OTOP2: variants seen among roughly 807,000 people sequenced by gnomAD.
The protein encoded by OTOP2 is otopetrin 2.
A neutral mutation model predicts 47.4 loss-of-function variants in OTOP2; 41 were observed. The ratio of observed to expected loss-of-function variants is 0.87; its 90% CI spans 0.67 to 1.12. The LOEUF (loss-of-function observed/expected upper bound fraction) is 1.12. OTOP2 is among the 50% of genes most tolerant of loss of function. The pLI is 0.00. For missense variants in OTOP2, 721 were observed against 752.2 expected, an observed-to-expected ratio of 0.96 and a Z score of 0.49; for synonymous variants, 328 against 319.6, an observed-to-expected ratio of 1.03 and a Z score of -0.28.
At chr17:74,928,655 A>G (rs1224714389) in intron 5 of OTOP2, among the ~76,000 whole-genome samples, 1 of 152,086 alleles carries the variant, frequency 6.6e-6, no homozygotes, top group Non-Finnish European at 1.5e-5. Flanking sequence ...AGGCAGAGAG[A>G]GCTTAAGTAG....
At position 74,933,279 on chromosome 17, in the gene OTOP2, T is replaced by C; in HGVS notation, c.1519-96T>C. On this transcript the variant is annotated intron_variant, in intron 6 of 6. Transcript: ENST00000331427. This position sits in a 1 kb window ranked among gnomAD's most constrained non-coding sequence, Gnocchi z 4.7. Reference sequence around the variant, plus strand: ...CTCCGTGTCCACCAAGCTAGAAGGATGGGCCGCCATCTAGCCACGGCCCAG... The same window carrying C: ...CTCCGTGTCCACCAAGCTAGAAGGACGGGCCGCCATCTAGCCACGGCCCAG... 1 of 1,428,826 alleles carries C rather than the reference T, an allele frequency of 7.0e-7. No homozygotes were observed. The highest frequency in any genetic ancestry group is 1.3e-5 in the South Asian group (1 of 75,660). 88.5% of individuals were successfully genotyped at this position (1,428,826 alleles called of 1,614,324 possible). A position where few individuals can be genotyped will look rare whatever the true frequency, so the allele number is the denominator to read the frequency against.
chr17:74,931,301 G>A, intron 6 of OTOP2, 148 bp downstream of exon 6: 2 of 1,142,116 alleles, frequency 1.8e-6, no homozygotes, highest in Non-Finnish European at 2.4e-6. Context: ...GGTTCAGAGG[G>A]GGCCAGCTGT....
At chr17:74,927,846 G>C in intron 5 of OTOP2, 48 bp downstream of exon 5, 2 of 1,594,502 alleles carry the variant, frequency 1.3e-6, no homozygotes, top group Non-Finnish European at 1.7e-6. Context: ...GCCTTGGGCC[G>C]GGTGCTTTGT....
At chr17:74,927,458 G>A in intron 4 of OTOP2, 177 bp downstream of exon 4, 1 of 1,024,740 alleles carries the variant, frequency 9.8e-7, no homozygotes, top group Non-Finnish European at 1.4e-6. Flanking sequence ...CTTTCTCCCA[G>A]GGGAGGGAGT....
chr17:74,929,796 G>A (rs1196514127), intron 5 of OTOP2, among the ~76,000 whole-genome samples: 5 of 152,216 alleles, frequency 3.3e-5, no homozygotes, highest in Admixed American at 2.6e-4. Context: ...AAATATTTGT[G>A]AAGTGAAGGA....
At chr17:74,928,839 G>T (rs1399750697) in intron 5 of OTOP2, among the ~76,000 whole-genome samples, 2 of 152,152 alleles carry the variant, frequency 1.3e-5, no homozygotes, top group African/African-American at 2.4e-5. Context: ...AGCATGGGAG[G>T]GTCCGGCAAC....
In OTOP2 at chr17:74,924,391, C is replaced by T; in HGVS notation, c.-34+58C>T. 1 of 529,640 alleles carries T rather than the reference C, an allele frequency of 1.9e-6. No homozygotes were observed. The highest frequency in any genetic ancestry group is 3.3e-6 in the Non-Finnish European group (1 of 305,538). The allele number at this position is 529,640 out of a possible 1,614,324, so 32.8% of individuals were successfully genotyped here. A position where few individuals can be genotyped will look rare whatever the true frequency, so the allele number is the denominator to read the frequency against. On this transcript the variant is annotated intron_variant, in intron 1 of 6. Coordinates refer to ENST00000331427, the MANE Select transcript of OTOP2 (RefSeq NM_178160.3). The surrounding 1 kb of genome is among the most constrained non-coding windows in gnomAD (Gnocchi z 7.7). ...TGGGGAGTGGGGACCTTGGAGGGGTCCAACCGGGTGCTGCCGCTTCTCCTT... is the reference window on the plus strand; with the variant it reads ...TGGGGAGTGGGGACCTTGGAGGGGTTCAACCGGGTGCTGCCGCTTCTCCTT...
chr17:74,925,093 G>T, intron 2 of OTOP2, 148 bp downstream of exon 2: 1 of 1,052,016 alleles, frequency 9.5e-7, no homozygotes, highest in Non-Finnish European at 1.3e-6. Context: ...GAAGTGGGCT[G>T]CAGTTAGGGA....
chr17:74,924,382 T>A lies in OTOP2; in HGVS notation c.-34+49T>A. On this transcript the variant is annotated intron_variant, in intron 1 of 6. Coordinates refer to ENST00000331427, the MANE Select transcript of OTOP2 (RefSeq NM_178160.3). The surrounding 1 kb of genome is among the most constrained non-coding windows in gnomAD (Gnocchi z 7.7). ...AGTCGGACTTGGGGAGTGGGGACCT[T>A]GGAGGGGTCCAACCGGGTGCTGCCG... 7 of 495,754 alleles carry A rather than the reference T, an allele frequency of 1.4e-5. 1 individual carries two copies. In the South Asian group the frequency reaches 2.3e-4, roughly 16 times the overall value. 30.7% of individuals were successfully genotyped at this position (495,754 alleles called of 1,614,324 possible).
Position 74,930,739 on chromosome 17 carries a change from C to A in OTOP2, c.1104C>A (p.Asp368Glu), listed in dbSNP as rs768778471. ...DHHKNPTRTLDVALLMGAALG... is the reference protein window; with the variant it reads ...DHHKNPTRTLEVALLMGAALG... ...ATAAGAACCCCACGCGCACTCTGGA[C>A]GTGGCCCTGCTGATGGGTGCCGCCC... Residue 368 changes from aspartate to glutamate, a missense_variant, in exon 6 of 7, where the codon GAC (aspartate) becomes GAA (glutamate). Asp to Glu is a conservative substitution (Grantham distance 45). Transcript: ENST00000331427. This position sits in a 1 kb window ranked among gnomAD's most constrained non-coding sequence, Gnocchi z 4.0. 5.2e-5 allele frequency: 84 copies of A among 1,614,120 alleles called. No homozygotes were observed. In the Middle Eastern group the frequency reaches 2.1e-3, roughly 41 times the overall value.
At chr17:74,932,919 C>G (rs926469301) in intron 6 of OTOP2, among the ~76,000 whole-genome samples, 2 of 152,146 alleles carry the variant, frequency 1.3e-5, no homozygotes, top group East Asian at 3.9e-4. Flanking sequence ...GAGGGCAGAG[C>G]TCAAGGAGGG....
chr17:74,933,255 TC>T lies in OTOP2; in HGVS notation c.1519-118del. 1 of 1,247,344 alleles carries T rather than the reference TC, an allele frequency of 8.0e-7. No individual in the cohort carries two copies. Among genetic ancestry groups the T allele is most frequent in the African/African-American group, 1.5e-5 (1 of 67,158 alleles). 77.3% of individuals were successfully genotyped at this position (1,247,344 alleles called of 1,614,324 possible). On this transcript the variant is annotated intron_variant, in intron 6 of 6. Coordinates refer to ENST00000331427, the MANE Select transcript of OTOP2 (RefSeq NM_178160.3). This position sits in a 1 kb window ranked among gnomAD's most constrained non-coding sequence, Gnocchi z 4.7. Reference sequence around the variant, plus strand: ...CTGCCCATTCACTGACACCCAGCCCTCCGTGTCCACCAAGCTAGAAGGATGG... The same window carrying T: ...CTGCCCATTCACTGACACCCAGCCCTCGTGTCCACCAAGCTAGAAGGATGG...
At position 74,933,811 on chromosome 17, in the gene OTOP2, G is replaced by C; in HGVS notation, c.*266G>C. ...TGGCAGCATTTCTAGGACCCAACAA[G>C]ATCTGGAGGTGCCGGCTCTGGTTCC... On this transcript the variant is annotated 3_prime_UTR_variant, in exon 7 of 7. Transcript: ENST00000331427. The surrounding 1 kb of genome is among the most constrained non-coding windows in gnomAD (Gnocchi z 4.7). 2.6e-6 allele frequency: 1 copy of C among 379,312 alleles called. No individual in the cohort carries two copies. The highest frequency in any genetic ancestry group is 4.8e-6 in the Non-Finnish European group (1 of 209,024). The allele number at this position is 379,312 out of a possible 1,614,324, so 23.5% of individuals were successfully genotyped here. A position where few individuals can be genotyped will look rare whatever the true frequency, so the allele number is the denominator to read the frequency against.
chr17:74,931,556 T>G (rs1216276785), intron 6 of OTOP2, among the ~76,000 whole-genome samples: 3 of 152,150 alleles, frequency 2.0e-5, no homozygotes, highest in Non-Finnish European at 2.9e-5. Context: ...TGTCAGGAAG[T>G]AGCGGAGACC....
In OTOP2 at chr17:74,930,059, T is replaced by C; in HGVS notation, c.644-220T>C. On this transcript the variant is annotated intron_variant, in intron 5 of 6. Coordinates refer to ENST00000331427, the MANE Select transcript of OTOP2 (RefSeq NM_178160.3). The surrounding 1 kb of genome is among the most constrained non-coding windows in gnomAD (Gnocchi z 4.0). Reference sequence around the variant, plus strand: ...TTAGCCAGGTGTGATGACAGGTGCCTGTAATCCCAGCTACTTGGGAGGCTG... The same window carrying C: ...TTAGCCAGGTGTGATGACAGGTGCCCGTAATCCCAGCTACTTGGGAGGCTG... 6.6e-6 allele frequency among the ~76,000 whole-genome samples: 1 copy of C among 152,146 alleles called. No individual in the cohort carries two copies. The highest frequency in any genetic ancestry group is 1.9e-4 in the East Asian group (1 of 5,160).
rs1182065165 is a variant in OTOP2 at position 74,930,951 on chromosome 17, C to T, written c.1316C>T (p.Pro439Leu). 6.2e-7 allele frequency: 1 copy of T among 1,614,084 alleles called. No homozygotes were observed. Among genetic ancestry groups the T allele is most frequent in the Non-Finnish European group, 8.5e-7 (1 of 1,180,014 alleles). ...GGGGCTGAGCCTCACAGTACCCACC[C>T]CAAGGAGCCCTGCCAAGACCTCACC... ...PPGAEPHSTH[P>L]KEPCQDLTFT... Residue 439 changes from proline (P) to leucine (L), a missense_variant, in exon 6 of 7, where the codon CCC becomes CTC. Pro to Leu is a moderately conservative substitution (Grantham distance 98). Coordinates refer to ENST00000331427, the MANE Select transcript of OTOP2 (RefSeq NM_178160.3). The surrounding 1 kb of genome is among the most constrained non-coding windows in gnomAD (Gnocchi z 4.0).
chr17:74,926,501 G>C (rs988085520), intron 3 of OTOP2, among the ~76,000 whole-genome samples: 1 of 151,844 alleles, frequency 6.6e-6, no homozygotes, highest in Non-Finnish European at 1.5e-5. Flanking sequence ...ATGAAGGTGA[G>C]AAGTCCACAG....
chr17:74,930,605 GCCCTGGTCATCTA>G lies in OTOP2; in HGVS notation c.972_984del (p.Leu325ThrfsTer16). 1 of 1,613,934 alleles carries G rather than the reference GCCCTGGTCATCTA, an allele frequency of 6.2e-7. No homozygotes were observed. Among genetic ancestry groups the G allele is most frequent in the Non-Finnish European group, 8.5e-7 (1 of 1,180,004 alleles). The stretch of plus-strand genomic sequence containing the variant: ...CGGGGACGGGAGCCGCACCAGGCAG[GCCCTGGTCATCTA>G]CTACAGCTTCAACATTGTCTGCTTG... On this transcript the variant is annotated frameshift_variant, in exon 6 of 7. Transcript: ENST00000331427. LOFTEE classifies it high-confidence loss of function. This position sits in a 1 kb window ranked among gnomAD's most constrained non-coding sequence, Gnocchi z 4.0.
intron 3 of OTOP2, among the ~76,000 whole-genome samples, chr17:74,926,708 A>T (rs1387168991): frequency 6.6e-6 from 1 of 152,140 alleles, no homozygotes; most frequent in East Asian, 1.9e-4. Context: ...ACTGTGTCAG[A>T]ATAGAAAAAG....
Sources: allele counts gnomAD v4.1 joint callset (sites outside exome capture counted in the v4.1 genomes callset), GRCh38; gene constraint gnomAD v4.1.1; non-coding constraint Gnocchi (gnomAD v3.1); transcripts MANE v1.5; gene names NCBI Gene and HGNC (gene_info 2026-07-23, HGNC 2026-07-21).